Variants in SNX29 observed in about 807,000 individuals in gnomAD.
SNX29 encodes sorting nexin-29.
SNX29 carries 78 observed loss-of-function variants against 102.1 expected under a neutral mutation model. The observed-to-expected ratio is 0.76, with a 90% CI of 0.64 to 0.92. SNX29 has a LOEUF of 0.92. Among genes scored for constraint, SNX29 ranks in the 40% least tolerant of loss-of-function variants. The pLI is 0.00. For missense variants in SNX29, 1,280 were observed against 1,061.7 expected, an observed-to-expected ratio of 1.21 and a Z score of -2.86; for synonymous variants, 580 against 414.5, an observed-to-expected ratio of 1.40 and a Z score of -4.85.
At chr16:12,144,949 C>T (rs903639827) in intron 13 of SNX29, among the ~76,000 whole-genome samples, 12 of 152,182 alleles carry the variant, frequency 7.9e-5, no homozygotes, top group Non-Finnish European at 1.5e-4. Flanking sequence ...TCTCTATCTC[C>T]TGACCTCGTG....
At chr16:12,334,662 C>T (rs1295219533) in intron 15 of SNX29, among the ~76,000 whole-genome samples, 1 of 152,138 alleles carries the variant, frequency 6.6e-6, no homozygotes, top group Non-Finnish European at 1.5e-5. Flanking sequence ...CAATGCTGAA[C>T]ATTCGGGCCA....
chr16:11,995,734 G>A (rs1342883918), intron 1 of SNX29, among the ~76,000 whole-genome samples: 10 of 151,842 alleles, frequency 6.6e-5, no homozygotes, highest in African/African-American at 9.7e-5. Flanking sequence ...TGTGAAAGGA[G>A]CCGGCAGTGT....
chr16:12,425,433 A>G (rs1038142449), intron 18 of SNX29, among the ~76,000 whole-genome samples: 42 of 151,520 alleles, frequency 2.8e-4, no homozygotes, highest in African/African-American at 9.7e-4. Context: ...CGGAGCACAG[A>G]TCTTAGAAGG....
chr16:12,401,237 A>G (rs2083928045), intron 17 of SNX29, among the ~76,000 whole-genome samples: 1 of 152,152 alleles, frequency 6.6e-6, no homozygotes, highest in African/African-American at 2.4e-5. Context: ...CAGAATGCAC[A>G]TTCTTCTCAA....
chr16:12,475,133 G>C (rs1446609490), intron 18 of SNX29, among the ~76,000 whole-genome samples: 3 of 152,198 alleles, frequency 2.0e-5, no homozygotes, highest in Non-Finnish European at 2.9e-5. Context: ...TTGTAGATGA[G>C]GAAATGAATG....
rs533755550 is a variant in SNX29 at position 12,554,983 on chromosome 16, C to T, written c.2319-13523C>T. On this transcript the variant is annotated intron_variant, in intron 20 of 20. Coordinates refer to ENST00000566228, the MANE Select transcript of SNX29 (RefSeq NM_032167.5). Reference sequence around the variant, plus strand: ...GAGGTGGTGAGGGGGGTCAGTCAGCCGGAGCACCTTTCTTTCTTGCAGAGG... The same window carrying T: ...GAGGTGGTGAGGGGGGTCAGTCAGCTGGAGCACCTTTCTTTCTTGCAGAGG... 2.3e-4 allele frequency among the ~76,000 whole-genome samples: 35 copies of T among 151,918 alleles called. 1 individual carries two copies. In the South Asian group the frequency reaches 2.5e-3, roughly 11 times the overall value.
chr16:12,153,296 C>G (rs2055377669), intron 13 of SNX29, among the ~76,000 whole-genome samples: 1 of 151,944 alleles, frequency 6.6e-6, no homozygotes, highest in African/African-American at 2.4e-5. Context: ...TTATTTTTAG[C>G]TGTACAGAGG....
intron 19 of SNX29, among the ~76,000 whole-genome samples, chr16:12,490,274 C>G (rs1200084045): frequency 1.3e-5 from 2 of 152,212 alleles, no homozygotes; most frequent in East Asian, 3.8e-4. Flanking sequence ...GTGCTGCTTT[C>G]TGATACCATA....
intron 14 of SNX29, among the ~76,000 whole-genome samples, chr16:12,220,065 T>TA (rs2077435532): frequency 6.6e-6 from 1 of 152,266 alleles, no homozygotes; most frequent in South Asian, 2.1e-4. Flanking sequence ...ATTCTGCTGT[T>TA]ACTCCAGGGT....
At chr16:12,562,886 T>C (rs1334113153) in intron 20 of SNX29, among the ~76,000 whole-genome samples, 1 of 152,160 alleles carries the variant, frequency 6.6e-6, no homozygotes, top group Non-Finnish European at 1.5e-5. Context: ...TTTCTAGTTT[T>C]GGGAATTTGA....
intron 16 of SNX29, among the ~76,000 whole-genome samples, chr16:12,359,565 A>C (rs2082242817): frequency 6.6e-6 from 1 of 152,210 alleles, no homozygotes; most frequent in African/African-American, 2.4e-5. Context: ...TCTTTGGCTT[A>C]ATCATTCACT....
intron 6 of SNX29, among the ~76,000 whole-genome samples, 184 bp from the exon 7 acceptor site, chr16:12,048,188 C>A (rs919133580): frequency 6.6e-6 from 1 of 151,488 alleles, no homozygotes; most frequent in Non-Finnish European, 1.5e-5. Flanking sequence ...TGCTTTGTCA[C>A]CCAGGCTGGA....
chr16:12,479,584 C>G (rs934236519), intron 19 of SNX29, among the ~76,000 whole-genome samples: 1 of 152,182 alleles, frequency 6.6e-6, no homozygotes, highest in African/African-American at 2.4e-5. Flanking sequence ...CAGACAGAAA[C>G]TCTATACTTG....
At chr16:12,420,388 GAATCAGTAA>G (rs1291177053) in intron 18 of SNX29, among the ~76,000 whole-genome samples, 1 of 152,176 alleles carries the variant, frequency 6.6e-6, no homozygotes, top group African/African-American at 2.4e-5. Context: ...GCCTGTCTCA[GAATCAGTAA>G]AATCAGGGTG....
intron 20 of SNX29, chr16:12,526,978 G>A (rs1408772345): frequency 1.8e-5 from 7 of 397,900 alleles, no homozygotes; most frequent in African/African-American, 4.0e-5. Flanking sequence ...CACAGGGTTC[G>A]ATTTATGGAC....
At chr16:12,269,836 A>G (rs969463918) in intron 14 of SNX29, among the ~76,000 whole-genome samples, 1 of 128,818 alleles carries the variant, frequency 7.8e-6, no homozygotes, top group Non-Finnish European at 1.7e-5. Flanking sequence ...CATCATCATC[A>G]CCATCATCAT....
intron 14 of SNX29, among the ~76,000 whole-genome samples, chr16:12,216,714 C>T (rs74008873): frequency 0.071 from 9,967 of 140,236 alleles, 465 homozygotes; most frequent in South Asian, 0.31. Context: ...GTGCCCTCCC[C>T]ACCCCACCCA....
chr16:12,280,299 C>T (rs925747422), intron 15 of SNX29, among the ~76,000 whole-genome samples: 1 of 152,160 alleles, frequency 6.6e-6, no homozygotes, highest in African/African-American at 2.4e-5. Context: ...GGCCGTGTCA[C>T]CACCCGCTTT....
At chr16:12,222,595 G>C (rs1567328644) in intron 14 of SNX29, among the ~76,000 whole-genome samples, 2 of 151,994 alleles carry the variant, frequency 1.3e-5, no homozygotes, top group Admixed American at 1.3e-4. Context: ...TTGAGACAGA[G>C]TCTCTCTCTG....
Sources: allele counts gnomAD v4.1 joint callset (sites outside exome capture counted in the v4.1 genomes callset), GRCh38; gene constraint gnomAD v4.1.1; transcripts MANE v1.5; gene names NCBI Gene and HGNC (gene_info 2026-07-23, HGNC 2026-07-21).